KAT14: variants seen among roughly 807,000 people sequenced by gnomAD.
KAT14 encodes the protein lysine acetyltransferase 14, also known as cysteine-rich protein 2-binding protein.
Under a neutral mutation model 78.4 loss-of-function variants are expected in KAT14, and 66 were observed. That is an observed-to-expected ratio of 0.84 (90% CI 0.69 to 1.03). KAT14 has a LOEUF of 1.03. Ranked by LOEUF, KAT14 falls within the 50% of genes least tolerant of loss-of-function variation. The pLI is 0.00. For synonymous variants in KAT14, 344 were observed against 359.4 expected (o/e 0.96, Z 0.48); for missense variants, 870 against 972.5 (o/e 0.89, Z 1.40).
At chr20:18,187,241 C>G in intron 10 of KAT14, 45 bp from the exon 11 acceptor site, 1 of 1,557,096 alleles carries the variant, frequency 6.4e-7, no homozygotes, top group Non-Finnish European at 8.6e-7. Context: ...CATTTTCCCT[C>G]AGGCCTTTCC....
In KAT14 at chr20:18,162,541, A is replaced by G. The variant is rs1244129518; in HGVS notation, c.1264A>G (p.Arg422Gly). The change falls in exon 7 of 11, where the codon AGG becomes GGG. Residue 422 changes from arginine (R) to glycine (G), a missense_variant. Transcript: ENST00000688188. Reference sequence around the variant, plus strand: ...AGAGAGTGAGGAGGAAAAACCCGACAGGATGGATATTGACAGTGAAGACAC... The same window carrying G: ...AGAGAGTGAGGAGGAAAAACCCGACGGGATGGATATTGACAGTGAAGACAC... Reference protein sequence around the residue: ...EVESEEEKPDRMDIDSEDTDS... With the variant: ...EVESEEEKPDGMDIDSEDTDS... The G allele has an allele frequency of 9.3e-6, 15 of 1,614,184 alleles. No individual in the cohort carries two copies. The highest frequency in any genetic ancestry group is 1.3e-5 in the Non-Finnish European group (15 of 1,180,036).
chr20:18,146,155 G>C (rs1041033680), intron 3 of KAT14, among the ~76,000 whole-genome samples: 9 of 152,140 alleles, frequency 5.9e-5, no homozygotes, highest in African/African-American at 2.2e-4. Flanking sequence ...TGATCTCCAG[G>C]TTGTATTAAA....
chr20:18,167,041 C>G (rs1004479107), intron 7 of KAT14, among the ~76,000 whole-genome samples: 1 of 152,316 alleles, frequency 6.6e-6, no homozygotes, highest in African/African-American at 2.4e-5. Context: ...CACCTCAGCC[C>G]TCCAGCTGGA....
At chr20:18,162,270 T>C (rs757480588) in intron 6 of KAT14, 31 bp downstream of exon 6, 230 of 1,613,034 alleles carry the variant, frequency 1.4e-4, no homozygotes, top group Non-Finnish European at 1.9e-4. Context: ...CTCTTTTATT[T>C]TGGGTATGGG....
At chr20:18,181,890 G>A (rs765060184) in intron 8 of KAT14, 44 bp downstream of exon 8, 1 of 1,605,858 alleles carries the variant, frequency 6.2e-7, no homozygotes, top group Non-Finnish European at 8.5e-7. Flanking sequence ...TGTCATGAGG[G>A]ATAATGATTG....
chr20:18,171,989 T>A (rs2038860653), intron 7 of KAT14, among the ~76,000 whole-genome samples: 1 of 152,250 alleles, frequency 6.6e-6, no homozygotes, highest in Non-Finnish European at 1.5e-5. Flanking sequence ...ATTGACTCAC[T>A]GAAGGCTCAG....
intron 3 of KAT14, among the ~76,000 whole-genome samples, chr20:18,148,350 T>C (rs1411371187): frequency 6.6e-6 from 1 of 152,216 alleles, no homozygotes; most frequent in South Asian, 2.1e-4. Context: ...GTTCCATACG[T>C]AGGAGAAACT....
chr20:18,162,961 T>A lies in KAT14; in HGVS notation c.1668+16T>A, dbSNP rs201366436. ...CCGATACCAGGTGAATGCAAGCACT[T>A]GCTGTAAAGCCCTTGGGGGCAGGAG... On this transcript the variant is annotated intron_variant, in intron 7 of 10. Coordinates refer to ENST00000688188, the MANE Select transcript of KAT14 (RefSeq NM_001392073.1). 2 of 1,610,854 alleles carry A rather than the reference T, an allele frequency of 1.2e-6. No individual in the cohort carries two copies. The highest frequency in any genetic ancestry group is 4.5e-5 in the East Asian group (2 of 44,840).
chr20:18,160,393 A>G (rs2038375998), intron 5 of KAT14, among the ~76,000 whole-genome samples: 1 of 152,196 alleles, frequency 6.6e-6, no homozygotes, highest in African/African-American at 2.4e-5. Flanking sequence ...TTAAAAAAGT[A>G]AAATGGACTC....
At chr20:18,171,468 G>C (rs2038841666) in intron 7 of KAT14, among the ~76,000 whole-genome samples, 1 of 152,224 alleles carries the variant, frequency 6.6e-6, no homozygotes, top group Non-Finnish European at 1.5e-5. Flanking sequence ...TAGTGGCACA[G>C]TTTGACTCAG....
At chr20:18,144,257 C>T (rs1428486444) in intron 2 of KAT14, among the ~76,000 whole-genome samples, 5 of 152,148 alleles carry the variant, frequency 3.3e-5, no homozygotes, top group Non-Finnish European at 7.4e-5. Flanking sequence ...TGCTTCTGAG[C>T]GGTCTCTGTT....
At chr20:18,184,897 A>G in intron 10 of KAT14, 105 bp downstream of exon 10, 1 of 1,253,140 alleles carries the variant, frequency 8.0e-7, no homozygotes, top group South Asian at 1.8e-5. Context: ...GCCCAATGGA[A>G]TGGTTTCCTT....
At chr20:18,180,095 C>T (rs1162648182) in intron 7 of KAT14, among the ~76,000 whole-genome samples, 2 of 152,144 alleles carry the variant, frequency 1.3e-5, no homozygotes, top group Admixed American at 6.5e-5. Context: ...TCTTGAACTC[C>T]TAACCTCAGG....
chr20:18,164,531 C>T (rs1417915516), intron 7 of KAT14, among the ~76,000 whole-genome samples: 2 of 151,950 alleles, frequency 1.3e-5, no homozygotes, highest in African/African-American at 2.4e-5. Flanking sequence ...TCACCACTGG[C>T]TTAGGTATTG....
At chr20:18,161,631 G>A (rs760932548) in intron 5 of KAT14, among the ~76,000 whole-genome samples, 192 bp from the exon 6 acceptor site, 14 of 152,118 alleles carry the variant, frequency 9.2e-5, no homozygotes, top group South Asian at 2.1e-4. Context: ...AACTTTTTCA[G>A]CACTGACATA....
chr20:18,186,317 A>G (rs1469750038), intron 10 of KAT14, among the ~76,000 whole-genome samples: 4 of 152,226 alleles, frequency 2.6e-5, no homozygotes, highest in Admixed American at 6.5e-5. Context: ...GAGATCACGT[A>G]TATTTGCAAT....
intron 1 of KAT14, 185 bp downstream of exon 1, chr20:18,138,236 A>C: frequency 8.0e-7 from 1 of 1,247,756 alleles, no homozygotes; most frequent in Non-Finnish European, 1.0e-6. Context: ...CGGGCGCTGC[A>C]GCTCCCGGCG....
chr20:18,183,932 AC>A (rs2039356632), intron 9 of KAT14, among the ~76,000 whole-genome samples: 2 of 152,238 alleles, frequency 1.3e-5, no homozygotes, highest in African/African-American at 4.8e-5. Context: ...GATGTTAGAT[AC>A]GATTTCATCA....
rs375777965 is a variant in KAT14, at chr20:18,142,717, G to A, written c.57G>A (p.Thr19=). The change falls in exon 2 of 11, where the codon ACG becomes ACA. Residue 19 remains threonine, a synonymous_variant. Coordinates refer to ENST00000688188, the MANE Select transcript of KAT14 (RefSeq NM_001392073.1). ...TCAGTCGGCATGATGACGAAGCCACGAGAACATCGACCTCAGAAGGACTGG... is the reference window on the plus strand; with the variant it reads ...TCAGTCGGCATGATGACGAAGCCACAAGAACATCGACCTCAGAAGGACTGG... ...SLISRHDDEA[T]RTSTSEGLEE... 37 of 1,614,066 alleles carry A rather than the reference G, an allele frequency of 2.3e-5. No homozygotes were observed. The African/African-American group carries it at 2.7e-4, about 12-fold the overall frequency.
Sources: gnomAD v4.1 joint callset for allele counts (sites outside exome capture counted in the v4.1 genomes callset) on GRCh38, gnomAD v4.1.1 for gene constraint, MANE v1.5 for transcripts, NCBI Gene and HGNC (gene_info 2026-07-23, HGNC 2026-07-21) for gene names.